OBI1: variants seen among roughly 807,000 people sequenced by gnomAD.
OBI1 encodes the protein ring finger protein 219.
In OBI1, 59 loss-of-function variants were observed where a neutral mutation model predicts 62.4. That is an observed-to-expected ratio of 0.95 (90% CI 0.77 to 1.17). The LOEUF is 1.17. OBI1 is among the 50% of genes most tolerant of loss of function. OBI1 has a pLI of 0.00. For synonymous variants in OBI1, 302 were observed against 292.8 expected (o/e 1.03, Z -0.32); for missense variants, 875 against 830.9 (o/e 1.05, Z -0.65).
rs1484472699 is a variant in OBI1, at chr13:78,615,387, A to C, written c.*193T>G. The C allele has an allele frequency of 9.5e-6, 4 of 421,128 alleles. No homozygotes were observed. Among genetic ancestry groups the C allele is most frequent in the Non-Finnish European group, 1.7e-5 (4 of 240,376 alleles). The allele number at this position is 421,128 out of a possible 1,614,324, so 26.1% of individuals were successfully genotyped here. A position where few individuals can be genotyped will look rare whatever the true frequency, so the allele number is the denominator to read the frequency against. On this transcript the variant is annotated 3_prime_UTR_variant, in exon 6 of 6. Transcript: ENST00000282003. ...TGGTCACAAAGACTCCCAAATAAAAATGAAAAGAACAAAGTCTTTTCAAAA... is the reference window on the plus strand; with the variant it reads ...TGGTCACAAAGACTCCCAAATAAAACTGAAAAGAACAAAGTCTTTTCAAAA...
At chr13:78,626,458 G>A (rs947656975) in intron 5 of OBI1, among the ~76,000 whole-genome samples, 1 of 152,112 alleles carries the variant, frequency 6.6e-6, no homozygotes, top group Non-Finnish European at 1.5e-5. Flanking sequence ...CATACAACAC[G>A]ATCATTAAAA....
At chr13:78,643,076 T>C (rs1876267806) in intron 2 of OBI1, among the ~76,000 whole-genome samples, 1 of 152,216 alleles carries the variant, frequency 6.6e-6, no homozygotes, top group African/African-American at 2.4e-5. Context: ...ACCTTCTTTG[T>C]ATTTTTTAGC....
chr13:78,635,089 C>T (rs1301358203), intron 5 of OBI1, 21 bp downstream of exon 5: 7 of 1,491,286 alleles, frequency 4.7e-6, no homozygotes, highest in Non-Finnish European at 9.3e-7. Flanking sequence ...TGAAGCATTG[C>T]TCTGGGAGCA....
intron 5 of OBI1, among the ~76,000 whole-genome samples, chr13:78,633,838 C>A (rs1000778891): frequency 3.3e-5 from 5 of 152,016 alleles, no homozygotes; most frequent in Admixed American, 2.0e-4. Flanking sequence ...GAGGCCGAGG[C>A]GGGTGGATCA....
intron 1 of OBI1, among the ~76,000 whole-genome samples, chr13:78,648,868 G>A (rs991825952): frequency 6.7e-6 from 1 of 148,440 alleles, no homozygotes; most frequent in Non-Finnish European, 1.5e-5. Context: ...AGCTGAGATC[G>A]CACCATTGCA....
chr13:78,633,136 G>A (rs774241672), intron 5 of OBI1, among the ~76,000 whole-genome samples: 4 of 152,144 alleles, frequency 2.6e-5, no homozygotes, highest in Non-Finnish European at 5.9e-5. Context: ...ACGGCTAATG[G>A]ACAAGCATTA....
At chr13:78,620,577 T>C (rs1486038080) in intron 5 of OBI1, 1 of 455,338 alleles carries the variant, frequency 2.2e-6, no homozygotes, top group Non-Finnish European at 4.4e-6. Context: ...TTAAAGGATT[T>C]TTCAGCTTGC....
In OBI1 at chr13:78,645,016, C is replaced by A. The variant is rs1876340049; in HGVS notation, c.73-19G>T. Reference sequence around the variant, plus strand: ...GACGTACCTTTGAAAAAAGAAATCACTTTTAGTACAGGACAACGGTCATAA... The same window carrying A: ...GACGTACCTTTGAAAAAAGAAATCAATTTTAGTACAGGACAACGGTCATAA... On this transcript the variant is annotated intron_variant, in intron 1 of 5. Transcript: ENST00000282003. 1 of 1,601,022 alleles carries A rather than the reference C, an allele frequency of 6.2e-7. No homozygotes were observed. Among genetic ancestry groups the A allele is most frequent in the African/African-American group, 1.3e-5 (1 of 74,430 alleles).
chr13:78,632,305 T>C (rs902819080), intron 5 of OBI1, among the ~76,000 whole-genome samples: 4 of 152,188 alleles, frequency 2.6e-5, no homozygotes, highest in Non-Finnish European at 5.9e-5. Flanking sequence ...CAAATTCTGA[T>C]GTGGAACTTC....
At chr13:78,656,733 G>GA in intron 1 of OBI1, among the ~76,000 whole-genome samples, 1 of 125,986 alleles carries the variant, frequency 7.9e-6, no homozygotes, top group South Asian at 3.1e-4. Context: ...GGTACCTGGG[G>GA]GGGGGGGGGG....
At chr13:78,634,162 C>A (rs1593792776) in intron 5 of OBI1, among the ~76,000 whole-genome samples, 1 of 150,240 alleles carries the variant, frequency 6.7e-6, no homozygotes, top group East Asian at 2.0e-4. Context: ...AATAAGTTTA[C>A]TTAATTGTAT....
In OBI1 at chr13:78,642,133, T is replaced by C; in HGVS notation, c.289A>G (p.Lys97Glu). Residue 97 changes from lysine (K) to glutamate (E), a missense_variant, in exon 3 of 6, where the codon AAA becomes GAA. Transcript: ENST00000282003. ...TGATTACTGTTTACCTCATATTCTT[T>C]GTGTAGTAATTCAAGTCTAGTTTTC... is the stretch of plus-strand genomic sequence containing the variant. The part of the protein sequence containing the change: ...LRKTRLELLH[K>E]EYEDEIDCLQ... The C allele has an allele frequency of 6.3e-7, 1 of 1,589,158 alleles. No individual in the cohort carries two copies. The highest frequency in any genetic ancestry group is 2.2e-5 in the East Asian group (1 of 44,702).
intron 5 of OBI1, among the ~76,000 whole-genome samples, chr13:78,621,980 C>T (rs1166695284): frequency 6.6e-6 from 1 of 152,106 alleles, no homozygotes; most frequent in Non-Finnish European, 1.5e-5. Context: ...ACAAAAAAAC[C>T]ACGAATTCTC....
chr13:78,633,336 A>G (rs951759674), intron 5 of OBI1, among the ~76,000 whole-genome samples: 1 of 152,110 alleles, frequency 6.6e-6, no homozygotes, highest in African/African-American at 2.4e-5. Flanking sequence ...CTTTTTTCTC[A>G]TTGGTTAGTT....
At chr13:78,619,792 C>T (rs1177239644) in intron 5 of OBI1, among the ~76,000 whole-genome samples, 1 of 152,176 alleles carries the variant, frequency 6.6e-6, no homozygotes, top group African/African-American at 2.4e-5. Flanking sequence ...ACGGCACTTG[C>T]CTGTTGTGTA....
intron 5 of OBI1, among the ~76,000 whole-genome samples, chr13:78,618,740 A>G (rs949826272): frequency 1.3e-5 from 2 of 152,194 alleles, no homozygotes; most frequent in Non-Finnish European, 2.9e-5. Flanking sequence ...CAAAAACAAA[A>G]GCAACTATAA....
chr13:78,624,540 T>A (rs986554272), intron 5 of OBI1, among the ~76,000 whole-genome samples: 2 of 152,200 alleles, frequency 1.3e-5, no homozygotes, highest in African/African-American at 4.8e-5. Context: ...TGATCACGGC[T>A]CACTGCAGAA....
intron 5 of OBI1, among the ~76,000 whole-genome samples, chr13:78,622,289 A>AT (rs1212140350): frequency 1.5e-4 from 23 of 152,014 alleles, no homozygotes; most frequent in South Asian, 1.0e-3. Flanking sequence ...CAAAAAAAAA[A>AT]ATATATATCA....
chr13:78,658,945 C>T, intron 1 of OBI1, 104 bp downstream of exon 1: 1 of 969,896 alleles, frequency 1.0e-6, no homozygotes, highest in Non-Finnish European at 1.6e-6. Flanking sequence ...TCTCCCATCT[C>T]CGCGCCTCAC....
Sources: gnomAD v4.1 joint callset for allele counts (sites outside exome capture counted in the v4.1 genomes callset) on GRCh38, gnomAD v4.1.1 for gene constraint, MANE v1.5 for transcripts, NCBI Gene and HGNC (gene_info 2026-07-23, HGNC 2026-07-21) for gene names.